Variants in FOXP2 observed in about 807,000 individuals in gnomAD.
The protein encoded by FOXP2 is forkhead box P2.
In FOXP2, 12 loss-of-function variants were observed where a neutral mutation model predicts 115.8. The ratio of observed to expected loss-of-function variants is 0.10; its 90% CI spans 0.07 to 0.17. FOXP2 has a LOEUF of 0.17. FOXP2 is among the 10% of genes least tolerant of loss of function. The pLI is 1.00. For missense variants in FOXP2, 629 were observed against 843.5 expected (o/e 0.75, Z 3.15); for synonymous variants, 328 against 297.7 (o/e 1.10, Z -1.05).
chr7:114,488,227 A>G (rs900952817), intron 2 of FOXP2, among the ~76,000 whole-genome samples: 2 of 152,132 alleles, frequency 1.3e-5, no homozygotes, highest in East Asian at 1.9e-4. Flanking sequence ...ATTCACAGTT[A>G]CAAGAACAGC....
chr7:114,553,447 A>T (rs1171635060), intron 3 of FOXP2, among the ~76,000 whole-genome samples: 1 of 152,202 alleles, frequency 6.6e-6, no homozygotes, highest in African/African-American at 2.4e-5. Flanking sequence ...TCAGACTTCA[A>T]CATCACTTAA....
At chr7:114,345,090 CT>C (rs1791315130) in intron 2 of FOXP2, among the ~76,000 whole-genome samples, 1 of 151,568 alleles carries the variant, frequency 6.6e-6, no homozygotes, top group Non-Finnish European at 1.5e-5. Context: ...TTTTTTATTT[CT>C]TTTTTAACAA....
At chr7:114,386,231 G>A (rs547667394) in intron 2 of FOXP2, among the ~76,000 whole-genome samples, 5 of 152,296 alleles carry the variant, frequency 3.3e-5, no homozygotes, top group Non-Finnish European at 7.3e-5. Context: ...CCAGAAGAGT[G>A]CAGTTGCAAG....
intron 1 of FOXP2, among the ~76,000 whole-genome samples, chr7:114,180,783 T>A (rs894044234): frequency 1.3e-5 from 2 of 151,970 alleles, no homozygotes; most frequent in South Asian, 4.1e-4. Context: ...GATGTGTTTA[T>A]CTCACTACAG....
At chr7:114,550,031 G>GCAGGT (rs1374334760) in intron 3 of FOXP2, among the ~76,000 whole-genome samples, 1 of 151,798 alleles carries the variant, frequency 6.6e-6, no homozygotes, top group African/African-American at 2.4e-5. Flanking sequence ...TAATACCAAG[G>GCAGGT]CAGGTATATG....
At chr7:114,135,666 G>A (rs892086132) in intron 1 of FOXP2, among the ~76,000 whole-genome samples, 1 of 152,106 alleles carries the variant, frequency 6.6e-6, no homozygotes, top group Non-Finnish European at 1.5e-5. Flanking sequence ...AAAGCAGTAA[G>A]TTCAGTGACC....
chr7:114,587,499 C>A (rs1229759), intron 3 of FOXP2, among the ~76,000 whole-genome samples: 151,959 of 152,214 alleles, frequency 1, 75,852 homozygotes, highest in Middle Eastern at 1. Context: ...TTCTTTATCC[C>A]GTCTATCATT....
intron 1 of FOXP2, among the ~76,000 whole-genome samples, chr7:114,155,263 G>T (rs142079400): frequency 0.01 from 1,537 of 152,122 alleles, 13 homozygotes; most frequent in Non-Finnish European, 0.017. Context: ...ATGATGGGAA[G>T]GGGGATCAGA....
chr7:114,270,772 C>CT (rs1048325948), intron 1 of FOXP2, among the ~76,000 whole-genome samples: 3 of 152,032 alleles, frequency 2.0e-5, no homozygotes, highest in African/African-American at 7.2e-5. Flanking sequence ...TCTTCCCATT[C>CT]TTTTGTCTTG....
At chr7:114,247,439 A>T (rs911763352) in intron 1 of FOXP2, among the ~76,000 whole-genome samples, 5 of 151,920 alleles carry the variant, frequency 3.3e-5, no homozygotes, top group South Asian at 2.1e-4. Context: ...TTTTTCACAC[A>T]CTCAGTTAGT....
intron 3 of FOXP2, among the ~76,000 whole-genome samples, chr7:114,620,757 C>A (rs1304071583): frequency 6.6e-6 from 1 of 151,888 alleles, no homozygotes; most frequent in Admixed American, 6.6e-5. Context: ...TATAATCTAA[C>A]CTAAATGCCA....
chr7:114,183,793 G>A (rs992662191), intron 1 of FOXP2, among the ~76,000 whole-genome samples: 4 of 152,142 alleles, frequency 2.6e-5, no homozygotes, highest in East Asian at 3.9e-4. Context: ...TTAGTGATGC[G>A]CTGTTATAAT....
At chr7:114,508,819 G>A (rs1797942104) in intron 2 of FOXP2, among the ~76,000 whole-genome samples, 1 of 152,016 alleles carries the variant, frequency 6.6e-6, no homozygotes. Flanking sequence ...AGACCTGAGG[G>A]ATTGAGGCAG....
At chr7:114,352,480 C>T (rs1454404659) in intron 2 of FOXP2, among the ~76,000 whole-genome samples, 2 of 152,136 alleles carry the variant, frequency 1.3e-5, no homozygotes, top group African/African-American at 4.8e-5. Flanking sequence ...ACTGCTGTAA[C>T]AGTCTGACAA....
At chr7:114,491,902 G>T (rs1288008227) in intron 2 of FOXP2, among the ~76,000 whole-genome samples, 1 of 152,136 alleles carries the variant, frequency 6.6e-6, no homozygotes, top group African/African-American at 2.4e-5. Context: ...CCAGGCTTTG[G>T]TATCAGGATG....
chr7:114,319,892 T>G (rs1797375408), intron 2 of FOXP2, among the ~76,000 whole-genome samples: 1 of 152,234 alleles, frequency 6.6e-6, no homozygotes, highest in African/African-American at 2.4e-5. Flanking sequence ...TTTTGAATTC[T>G]GTTTTTATAA....
At chr7:114,383,911 C>G (rs893004221) in intron 2 of FOXP2, among the ~76,000 whole-genome samples, 3 of 152,198 alleles carry the variant, frequency 2.0e-5, no homozygotes, top group Admixed American at 6.5e-5. Flanking sequence ...CACCCATGGA[C>G]CTCTGCTTAT....
At chr7:114,569,762 A>C (rs1210284963) in intron 3 of FOXP2, among the ~76,000 whole-genome samples, 1 of 151,962 alleles carries the variant, frequency 6.6e-6, no homozygotes, top group East Asian at 1.9e-4. Context: ...TCTTATCTTC[A>C]AGAAAATGGC....
At chr7:114,218,309 G>A (rs755958391) in intron 1 of FOXP2, among the ~76,000 whole-genome samples, 2 of 152,084 alleles carry the variant, frequency 1.3e-5, no homozygotes, top group African/African-American at 2.4e-5. Flanking sequence ...CTGCCCACAC[G>A]TTCTCAAATT....
Sources: allele counts gnomAD v4.1 joint callset (sites outside exome capture counted in the v4.1 genomes callset), GRCh38; gene constraint gnomAD v4.1.1; transcripts MANE v1.5; gene names NCBI Gene and HGNC (gene_info 2026-07-23, HGNC 2026-07-21).